NCKAP5: variants seen among roughly 807,000 people sequenced by gnomAD.
The protein encoded by NCKAP5 is NCK associated protein 5, also known as nck-associated protein 5.
NCKAP5 carries 92 observed loss-of-function variants against 167.0 expected under a neutral mutation model. The ratio of observed to expected loss-of-function variants is 0.55; its 90% CI spans 0.47 to 0.66. NCKAP5 has a LOEUF of 0.66. Among genes scored for constraint, NCKAP5 ranks in the 30% least tolerant of loss-of-function variants. NCKAP5 has a pLI of 0.00. For synonymous variants in NCKAP5, 891 were observed against 877.4 expected, an observed-to-expected ratio of 1.02 and a Z score of -0.27; for missense variants, 2,378 against 2,315.0, an observed-to-expected ratio of 1.03 and a Z score of -0.56.
At chr2:133,297,504 C>G (rs1202248269) in intron 4 of NCKAP5, among the ~76,000 whole-genome samples, 2 of 152,082 alleles carry the variant, frequency 1.3e-5, no homozygotes, top group Non-Finnish European at 2.9e-5. Context: ...CCAGTTATCT[C>G]AAGAGTGTTA....
At chr2:133,012,480 C>T (rs2078195024) in intron 6 of NCKAP5, among the ~76,000 whole-genome samples, 1 of 152,194 alleles carries the variant, frequency 6.6e-6, no homozygotes, top group Non-Finnish European at 1.5e-5. Flanking sequence ...GATCTCCTGA[C>T]CTCATGATCT....
the NCKAP5 span, among the ~76,000 whole-genome samples, chr2:133,664,202 A>C: frequency 6.6e-6 from 1 of 152,084 alleles, no homozygotes; most frequent in African/African-American, 2.4e-5. Context: ...TGGGCTTAAA[A>C]TATTTAGTAA....
the NCKAP5 span, among the ~76,000 whole-genome samples, chr2:133,638,938 G>A: frequency 6.6e-6 from 1 of 151,582 alleles, no homozygotes; most frequent in Non-Finnish European, 1.5e-5. Flanking sequence ...TACTTGCAAT[G>A]TGTAATTGTT....
At chr2:133,152,827 C>T (rs796346106) in intron 5 of NCKAP5, among the ~76,000 whole-genome samples, 1 of 152,242 alleles carries the variant, frequency 6.6e-6, no homozygotes, top group African/African-American at 2.4e-5. Flanking sequence ...GTTTAGATAT[C>T]AAATACTTAC....
At chr2:133,662,966 T>C in the NCKAP5 span, among the ~76,000 whole-genome samples, 1 of 152,048 alleles carries the variant, frequency 6.6e-6, no homozygotes, top group African/African-American at 2.4e-5. Flanking sequence ...AGATATTTGT[T>C]GCTTAAAAAA....
intron 10 of NCKAP5, among the ~76,000 whole-genome samples, chr2:132,865,309 G>T (rs1056574472): frequency 3.3e-5 from 5 of 152,078 alleles, no homozygotes; most frequent in African/African-American, 9.7e-5. Flanking sequence ...AAAGCCTTCG[G>T]ATTAAACCAC....
intron 3 of NCKAP5, among the ~76,000 whole-genome samples, chr2:133,504,801 C>T (rs1682853201): frequency 6.6e-6 from 1 of 152,110 alleles, no homozygotes; most frequent in African/African-American, 2.4e-5. Context: ...GACCCTGTTT[C>T]CTCTTTCCTT....
chr2:133,618,303 T>G, the NCKAP5 span, among the ~76,000 whole-genome samples: 1 of 149,228 alleles, frequency 6.7e-6, no homozygotes, highest in South Asian at 2.1e-4. Context: ...AATTGACAAA[T>G]GGGATCTAAT....
intron 8 of NCKAP5, among the ~76,000 whole-genome samples, chr2:132,957,997 G>C (rs1051412857): frequency 2.0e-5 from 3 of 152,056 alleles, no homozygotes; most frequent in African/African-American, 7.2e-5. Context: ...CTGTGTCTTT[G>C]AGTCCCCGTT....
intron 8 of NCKAP5, among the ~76,000 whole-genome samples, chr2:132,950,909 A>G (rs544610348): frequency 6.6e-6 from 1 of 152,216 alleles, no homozygotes; most frequent in Non-Finnish European, 1.5e-5. Context: ...GCAAAACAAA[A>G]CAGAAACAGA....
chr2:133,186,927 T>C (rs2084970747), intron 5 of NCKAP5, among the ~76,000 whole-genome samples: 1 of 151,796 alleles, frequency 6.6e-6, no homozygotes, highest in African/African-American at 2.4e-5. Context: ...CTTTCTTTTT[T>C]ACAATTTTTT....
At chr2:132,706,777 G>C (rs558970519) in intron 19 of NCKAP5, among the ~76,000 whole-genome samples, 1 of 152,242 alleles carries the variant, frequency 6.6e-6, no homozygotes, top group East Asian at 1.9e-4. Context: ...GAATGAATAA[G>C]TAATGTGGAA....
At chr2:133,187,512 C>T (rs1821423) in intron 5 of NCKAP5, among the ~76,000 whole-genome samples, 11 of 151,842 alleles carry the variant, frequency 7.2e-5, no homozygotes, top group South Asian at 4.2e-4. Context: ...CAAATTACTG[C>T]GACCCCATAT....
At chr2:133,346,798 C>A (rs536721268) in intron 3 of NCKAP5, among the ~76,000 whole-genome samples, 1 of 152,224 alleles carries the variant, frequency 6.6e-6, no homozygotes, top group Non-Finnish European at 1.5e-5. Flanking sequence ...GAGTGGGAAT[C>A]ACCCTGGTAT....
intron 2 of NCKAP5, among the ~76,000 whole-genome samples, chr2:133,519,748 T>TA (rs1181451805): frequency 6.6e-6 from 1 of 152,236 alleles, no homozygotes; most frequent in African/African-American, 2.4e-5. Flanking sequence ...CCTTACATGT[T>TA]AGTGACACAG....
At chr2:133,639,077 A>G in the NCKAP5 span, among the ~76,000 whole-genome samples, 62 of 152,318 alleles carry the variant, frequency 4.1e-4, 1 homozygote, top group Non-Finnish European at 7.3e-4. Flanking sequence ...AAGACACAGC[A>G]TGATCAATCT....
Position 133,303,048 on chromosome 2 carries a change from C to G in NCKAP5, c.132G>C (p.Arg44Ser), listed in dbSNP as rs1386636916. The change falls in exon 4 of 20, where the codon AGG becomes AGC. Residue 44 changes from arginine (R) to serine (S), a missense_variant. By Grantham distance (110) the Arg-to-Ser change is moderately radical. Transcript: ENST00000409261. ...HLLTQLEEQH[R>S]SLWREKLAVA... ...TGAATTGAACTCACCTCCAGAGACTCCTGTGTTGCTCCTCAAGCTGAGTCA... is the reference window on the plus strand; with the variant it reads ...TGAATTGAACTCACCTCCAGAGACTGCTGTGTTGCTCCTCAAGCTGAGTCA... The G allele has an allele frequency of 1.2e-6, 2 of 1,600,356 alleles. No homozygotes were observed. Among genetic ancestry groups the G allele is most frequent in the Non-Finnish European group, 1.7e-6 (2 of 1,172,880 alleles).
intron 2 of NCKAP5, chr2:133,558,231 T>C (rs1687884275): frequency 6.6e-6 from 1 of 152,118 alleles, no homozygotes; most frequent in Non-Finnish European, 1.5e-5. Flanking sequence ...ATTTGAAGAT[T>C]ATGGAGAGGT....
At chr2:133,266,684 C>A (rs76481368) in intron 4 of NCKAP5, among the ~76,000 whole-genome samples, 3,913 of 152,280 alleles carry the variant, frequency 0.026, 149 homozygotes, top group African/African-American at 0.085. Flanking sequence ...GCCACGCGCT[C>A]ACCGCAGCCC....
Sources: gnomAD v4.1 joint callset for allele counts (sites outside exome capture counted in the v4.1 genomes callset) on GRCh38, gnomAD v4.1.1 for gene constraint, MANE v1.5 for transcripts, NCBI Gene and HGNC (gene_info 2026-07-23, HGNC 2026-07-21) for gene names.